The following DMD variants were observed in gnomAD, a reference collection of about 807,000 sequenced individuals.
DMD encodes mutant dystrophin.
A neutral mutation model predicts 330.1 loss-of-function variants in DMD; 63 were observed. The ratio of observed to expected loss-of-function variants is 0.19; its 90% CI spans 0.16 to 0.24. DMD has a LOEUF of 0.24. Ranked by LOEUF, DMD falls within the 10% of genes least tolerant of loss-of-function variation. DMD has a pLI of 1.00. For missense variants in DMD, 3,344 were observed against 2,684.1 expected (o/e 1.25, Z -5.43); for synonymous variants, 1,223 against 959.8 (o/e 1.27, Z -5.07).
At chrX:31,980,876 A>G (rs1176792033) in intron 44 of DMD, among the ~76,000 whole-genome samples, 1 of 111,941 alleles carries the variant, frequency 8.9e-6, no homozygotes, top group Non-Finnish European at 1.9e-5. Context: ...AATAAAAACA[A>G]TATCATTTTT....
intron 62 of DMD, among the ~76,000 whole-genome samples, chrX:31,293,177 TGTGTGTGTGTGTGTGTAGTCTGGTTTA>T (rs1447699009): frequency 1.7e-4 from 15 of 87,518 alleles, no homozygotes; most frequent in Non-Finnish European, 2.3e-4. Flanking sequence ...TGTGTGTGTG[TGTGTGTGTGTGTGTGTAGTCTGGTTTA>T]GTGTGTGTGT....
At chrX:32,711,258 C>G (rs767891590) in intron 7 of DMD, among the ~76,000 whole-genome samples, 2 of 111,257 alleles carry the variant, frequency 1.8e-5, no homozygotes, top group Non-Finnish European at 3.8e-5. Flanking sequence ...TCTGAAATGT[C>G]GGCCTCTCTC....
At chrX:33,088,235 G>T (rs984706669) in intron 1 of DMD, among the ~76,000 whole-genome samples, 1 of 110,511 alleles carries the variant, frequency 9.0e-6, no homozygotes, top group Admixed American at 9.8e-5. Flanking sequence ...GTAGAGACAG[G>T]GGTCTCACCA....
At chrX:31,598,014 A>G (rs1010577989) in intron 55 of DMD, among the ~76,000 whole-genome samples, 5 of 111,618 alleles carry the variant, frequency 4.5e-5, no homozygotes, top group African/African-American at 1.6e-4. Context: ...GTATTTACAT[A>G]TTGACTGTTA....
chrX:32,972,718 T>C (rs1198947794), intron 2 of DMD, among the ~76,000 whole-genome samples: 1 of 111,831 alleles, frequency 8.9e-6, no homozygotes, highest in Non-Finnish European at 1.9e-5. Flanking sequence ...AGTGGGACGA[T>C]GGGTAAGTTC....
intron 49 of DMD, among the ~76,000 whole-genome samples, chrX:31,820,600 C>T (rs1367974537): frequency 8.9e-6 from 1 of 112,023 alleles, no homozygotes; most frequent in East Asian, 2.8e-4. Context: ...CATTCTTCAA[C>T]TGTCAGTCCC....
chrX:33,043,483 T>C (rs1468521900), intron 1 of DMD, among the ~76,000 whole-genome samples: 1 of 110,863 alleles, frequency 9.0e-6, no homozygotes, highest in Non-Finnish European at 1.9e-5. Flanking sequence ...AACAGGTACT[T>C]GTCAGGTTTA....
At chrX:31,162,378 A>AAAAAAAT (rs3032383) in intron 74 of DMD, among the ~76,000 whole-genome samples, 2 of 99,587 alleles carry the variant, frequency 2.0e-5, no homozygotes, top group Non-Finnish European at 3.9e-5. Context: ...AAAAAAAAAA[A>AAAAAAAT]GGGAAATTGG....
chrX:33,291,573 T>A (rs2148930219), intron 1 of DMD, among the ~76,000 whole-genome samples: 1 of 111,698 alleles, frequency 9.0e-6, no homozygotes, highest in African/African-American at 3.2e-5. Flanking sequence ...TAATAATTAT[T>A]ATTTCACTGG....
chrX:32,385,306 G>A (rs996822969), intron 33 of DMD, among the ~76,000 whole-genome samples: 16 of 110,569 alleles, frequency 1.4e-4, no homozygotes, highest in African/African-American at 5.2e-4. Context: ...AATGAAAAAA[G>A]GACATTCTCT....
chrX:31,326,057 T>C (rs1342570822), intron 61 of DMD, among the ~76,000 whole-genome samples: 13 of 110,034 alleles, frequency 1.2e-4, no homozygotes, highest in African/African-American at 4.3e-4. Flanking sequence ...CCTACACTAT[T>C]CTTAGGCGTC....
intron 1 of DMD, among the ~76,000 whole-genome samples, chrX:33,228,644 A>G (rs773567161): frequency 1.0e-4 from 11 of 109,637 alleles, no homozygotes; most frequent in Admixed American, 2.0e-4. Flanking sequence ...TAGAAAAGAT[A>G]AAGTATATTA....
intron 60 of DMD, among the ~76,000 whole-genome samples, chrX:31,374,925 A>G (rs2059808225): frequency 9.0e-6 from 1 of 111,502 alleles, no homozygotes; most frequent in Admixed American, 9.5e-5. Flanking sequence ...CTTTGCATGC[A>G]TGGGCCACCT....
At chrX:32,708,574 T>C (rs776326657) in intron 7 of DMD, among the ~76,000 whole-genome samples, 3 of 112,064 alleles carry the variant, frequency 2.7e-5, no homozygotes, top group Non-Finnish European at 3.8e-5. Context: ...TGGCACATAA[T>C]TGTAATTCAT....
chrX:31,445,249 T>C (rs1280080557), intron 59 of DMD, among the ~76,000 whole-genome samples: 1 of 111,721 alleles, frequency 9.0e-6, no homozygotes, highest in Non-Finnish European at 1.9e-5. Context: ...AACAATCCTA[T>C]GAGGCCAGTA....
chrX:32,305,414 G>A (rs920484840), intron 42 of DMD, among the ~76,000 whole-genome samples: 2 of 111,262 alleles, frequency 1.8e-5, no homozygotes, highest in Non-Finnish European at 3.8e-5. Context: ...TAGGTTTTAC[G>A]AGACCAAAGT....
intron 1 of DMD, among the ~76,000 whole-genome samples, chrX:33,272,163 C>T (rs1254373058): frequency 8.9e-6 from 1 of 112,426 alleles, no homozygotes; most frequent in Admixed American, 9.4e-5. Context: ...GGATTACAGG[C>T]GTGAGCCTCC....
intron 47 of DMD, among the ~76,000 whole-genome samples, chrX:31,904,250 T>C (rs1230813287): frequency 2.7e-5 from 3 of 111,804 alleles, no homozygotes; most frequent in African/African-American, 6.5e-5. Context: ...CTTCTCTAAT[T>C]ATACAAAAAA....
chrX:32,781,757 C>T (rs190239113), intron 7 of DMD, among the ~76,000 whole-genome samples: 92 of 111,121 alleles, frequency 8.3e-4, no homozygotes, highest in African/African-American at 2.9e-3. Flanking sequence ...CATACTAAGG[C>T]AAAGTAGCTT....
Sources: gnomAD v4.1 joint callset for allele counts (sites outside exome capture counted in the v4.1 genomes callset) on GRCh38, gnomAD v4.1.1 for gene constraint, MANE v1.5 for transcripts, NCBI Gene and HGNC (gene_info 2026-07-23, HGNC 2026-07-21) for gene names.